The following MSRA variants were observed in gnomAD, a reference collection of about 807,000 sequenced individuals.
The protein encoded by MSRA is mitochondrial peptide methionine sulfoxide reductase.
MSRA carries 54 observed loss-of-function variants against 31.3 expected under a neutral mutation model. The ratio of observed to expected loss-of-function variants is 1.73; its 90% CI spans 1.39 to 2.17. The LOEUF is 2.17. MSRA is among the 30% of genes most tolerant of loss of function. The pLI is 0.00. For synonymous variants in MSRA, 169 were observed against 116.5 expected (o/e 1.45, Z -2.90); for missense variants, 507 against 300.9 (o/e 1.69, Z -5.07).
At chr8:10,141,499 G>A (rs1181496200) in intron 1 of MSRA, among the ~76,000 whole-genome samples, 5 of 152,218 alleles carry the variant, frequency 3.3e-5, no homozygotes, top group African/African-American at 1.2e-4. Context: ...ACCACTAGAA[G>A]TGCGGGGATA....
chr8:10,390,283 G>T (rs1806658774), intron 5 of MSRA, among the ~76,000 whole-genome samples: 1 of 152,218 alleles, frequency 6.6e-6, no homozygotes, highest in African/African-American at 2.4e-5. Context: ...GGCCACATGG[G>T]CGTGGCCTTG....
chr8:10,279,193 C>G (rs893813176), intron 3 of MSRA, among the ~76,000 whole-genome samples: 1 of 152,114 alleles, frequency 6.6e-6, no homozygotes, highest in African/African-American at 2.4e-5. Context: ...GTAATTCTTA[C>G]CTTGTTGGGT....
chr8:10,138,038 T>C lies in MSRA; in HGVS notation c.143-69795T>C, dbSNP rs143564371. Among the ~76,000 whole-genome samples the C allele has an allele frequency of 2.0e-3, 302 of 152,296 alleles. 2 individuals carry two copies. The highest frequency in any genetic ancestry group is 6.9e-3 in the African/African-American group (285 of 41,576). On this transcript the variant is annotated intron_variant, in intron 1 of 5. Coordinates refer to ENST00000317173, the MANE Select transcript of MSRA (RefSeq NM_012331.5). ...GCAGGGATTGGAATGTGACTTAGTT[T>C]AGTGCTCATTTCACTGGGTCACAGG... is the stretch of plus-strand genomic sequence containing the variant.
At position 10,194,998 on chromosome 8, in the gene MSRA, C is replaced by G. The variant is rs557418975; in HGVS notation, c.143-12835C>G. On this transcript the variant is annotated intron_variant, in intron 1 of 5. Transcript: ENST00000317173. ...AATTATAGAATGCAGTACTATTCTC[C>G]TGCACTTTGATTTTTCCCTCAATTA... Among the ~76,000 whole-genome samples, 115 of 152,330 alleles carry G rather than the reference C, an allele frequency of 7.5e-4. 3 individuals are homozygous for G. In the Middle Eastern group the frequency reaches 0.014, roughly 18 times the overall value.
intron 5 of MSRA, among the ~76,000 whole-genome samples, chr8:10,358,567 T>TATAGGAGCAGGAACCCTATTGTGAAC (rs1804650345): frequency 5.6e-4 from 4 of 7,166 alleles, no homozygotes; most frequent in African/African-American, 1.3e-3. Flanking sequence ...ATTAGATTCT[T>TATAGGAGCAGGAACCCTATTGTGAAC]TTTTTTTTTT....
At chr8:10,116,866 C>G (rs533512633) in intron 1 of MSRA, among the ~76,000 whole-genome samples, 1 of 151,960 alleles carries the variant, frequency 6.6e-6, no homozygotes, top group Non-Finnish European at 1.5e-5. Flanking sequence ...ACTTGGGAGG[C>G]GAGGCAGGAG....
intron 5 of MSRA, among the ~76,000 whole-genome samples, chr8:10,427,373 C>T (rs1809242779): frequency 6.6e-6 from 1 of 152,220 alleles, no homozygotes; most frequent in Non-Finnish European, 1.5e-5. Context: ...TAGCCCCTCT[C>T]TCCTTTCCCA....
intron 5 of MSRA, among the ~76,000 whole-genome samples, chr8:10,412,342 C>G (rs1008514964): frequency 6.6e-6 from 1 of 152,186 alleles, no homozygotes; most frequent in South Asian, 2.1e-4. Flanking sequence ...TTCTGGTTCC[C>G]TGGTACTTTG....
chr8:10,142,430 C>T (rs903782600), intron 1 of MSRA, among the ~76,000 whole-genome samples: 3 of 152,206 alleles, frequency 2.0e-5, no homozygotes, highest in African/African-American at 7.2e-5. Flanking sequence ...CTTCTAAATC[C>T]GTGTTCTGTC....
At chr8:10,294,559 G>A (rs114680308) in intron 3 of MSRA, among the ~76,000 whole-genome samples, 2,208 of 152,224 alleles carry the variant, frequency 0.015, 48 homozygotes, top group African/African-American at 0.05. Context: ...CTCCCAAACC[G>A]AGTTCTTGAG....
At chr8:10,077,640 C>A (rs567382229) in intron 1 of MSRA, among the ~76,000 whole-genome samples, 1 of 151,802 alleles carries the variant, frequency 6.6e-6, no homozygotes, top group African/African-American at 2.4e-5. Flanking sequence ...GTTTTTTATT[C>A]CTAGTTACTT....
At chr8:10,101,934 T>A (rs1287191771) in intron 1 of MSRA, among the ~76,000 whole-genome samples, 1 of 152,204 alleles carries the variant, frequency 6.6e-6, no homozygotes, top group African/African-American at 2.4e-5. Context: ...ACAATTTCTT[T>A]TTTTTCAGCG....
chr8:10,383,008 A>T (rs1237768252), intron 5 of MSRA, among the ~76,000 whole-genome samples: 1 of 152,208 alleles, frequency 6.6e-6, no homozygotes, highest in African/African-American at 2.4e-5. Flanking sequence ...ATCACTTTTG[A>T]AATGGGCAAG....
chr8:10,245,027 C>A, intron 2 of MSRA, 77 bp from the exon 3 acceptor site: 3 of 1,314,394 alleles, frequency 2.3e-6, no homozygotes, highest in Non-Finnish European at 2.0e-6. Context: ...CTTCATGTAA[C>A]AGGTGTATGT....
At chr8:10,307,172 T>A (rs990040190) in intron 4 of MSRA, among the ~76,000 whole-genome samples, 1 of 126,534 alleles carries the variant, frequency 7.9e-6, no homozygotes, top group Non-Finnish European at 1.7e-5. Flanking sequence ...GATGCACATT[T>A]TTTTTTTTTT....
intron 4 of MSRA, among the ~76,000 whole-genome samples, chr8:10,314,427 G>A (rs1029814766): frequency 1.3e-5 from 2 of 151,962 alleles, no homozygotes; most frequent in African/African-American, 4.8e-5. Flanking sequence ...TCAGGAAAAT[G>A]CAAATTAAGA....
chr8:10,316,970 C>T (rs1801762736), intron 4 of MSRA, among the ~76,000 whole-genome samples: 1 of 152,176 alleles, frequency 6.6e-6, no homozygotes, highest in African/African-American at 2.4e-5. Flanking sequence ...GGTGGTCTTC[C>T]TGTGCCACTG....
At chr8:10,408,974 G>T (rs544725989) in intron 5 of MSRA, among the ~76,000 whole-genome samples, 10 of 152,332 alleles carry the variant, frequency 6.6e-5, no homozygotes, top group African/African-American at 2.2e-4. Context: ...TCTGTTGAAG[G>T]ATGTTTAGGT....
At chr8:10,351,995 A>G (rs1414789934) in intron 5 of MSRA, among the ~76,000 whole-genome samples, 3 of 152,212 alleles carry the variant, frequency 2.0e-5, no homozygotes, top group Non-Finnish European at 4.4e-5. Context: ...GAAAGTTATG[A>G]CTTTAATGTT....
Sources: gnomAD v4.1 joint callset for allele counts (sites outside exome capture counted in the v4.1 genomes callset) on GRCh38, gnomAD v4.1.1 for gene constraint, MANE v1.5 for transcripts, NCBI Gene and HGNC (gene_info 2026-07-23, HGNC 2026-07-21) for gene names.